COL27A1: variants seen among roughly 807,000 people sequenced by gnomAD.
The protein encoded by COL27A1 is collagen type XXVII alpha 1 chain, also known as collagen alpha-1(XXVII) chain.
COL27A1 carries 106 observed loss-of-function variants against 251.3 expected under a neutral mutation model. The ratio of observed to expected loss-of-function variants is 0.42; its 90% CI spans 0.36 to 0.50. The LOEUF (loss-of-function observed/expected upper bound fraction) is 0.50, where lower values mean the gene tolerates loss of function less well. Ranked by LOEUF, COL27A1 falls within the 20% of genes least tolerant of loss-of-function variation. The probability of loss-of-function intolerance (pLI) is 0.00; values close to 1 mark genes in which losing one functional copy is unlikely to be tolerated. For missense variants in COL27A1, 2,325 were observed against 2,522.8 expected, an observed-to-expected ratio of 0.92 and a Z score of 1.68; for synonymous variants, 1,000 against 986.3, an observed-to-expected ratio of 1.01 and a Z score of -0.26.
At chr9:114,195,881 C>A in intron 6 of COL27A1, 78 bp from the exon 7 acceptor site, 3 of 1,100,688 alleles carry the variant, frequency 2.7e-6, no homozygotes, top group South Asian at 1.2e-5. Flanking sequence ...TTGGAAGTTA[C>A]CATTCCAATT....
At chr9:114,275,837 G>A (rs1564558973) in intron 37 of COL27A1, 69 bp downstream of exon 37, 7 of 1,050,562 alleles carry the variant, frequency 6.7e-6, no homozygotes, top group Admixed American at 2.6e-5. Flanking sequence ...CTGTGCAGGC[G>A]GCTGGGCGGG....
At chr9:114,308,487 A>C (rs1249760) in intron 59 of COL27A1, among the ~76,000 whole-genome samples, 102,763 of 152,070 alleles carry the variant, frequency 0.68, 35,066 homozygotes, top group African/African-American at 0.78. Context: ...GCCAGCCAGT[A>C]GCCAGGTCTT....
intron 16 of COL27A1, 107 bp from the exon 17 acceptor site, chr9:114,235,492 T>C (rs989457028): frequency 4.6e-6 from 4 of 874,872 alleles, no homozygotes; most frequent in Admixed American, 3.4e-5. Flanking sequence ...CGGATCCGAC[T>C]TGGGAAACAG....
At chr9:114,236,349 G>A (rs1042785114) in intron 17 of COL27A1, among the ~76,000 whole-genome samples, 7 of 152,202 alleles carry the variant, frequency 4.6e-5, no homozygotes, top group African/African-American at 1.7e-4. Flanking sequence ...GATGGAGCTC[G>A]GCTCAGGGTC....
chr9:114,162,497 C>A (rs1030641883), intron 1 of COL27A1, among the ~76,000 whole-genome samples: 1 of 152,146 alleles, frequency 6.6e-6, no homozygotes, highest in African/African-American at 2.4e-5. Flanking sequence ...CTGTGTTTGT[C>A]TATATAAGCA....
At chr9:114,289,179 C>T (rs1827732197) in intron 44 of COL27A1, 63 bp from the exon 45 acceptor site, 3 of 1,290,418 alleles carry the variant, frequency 2.3e-6, no homozygotes, top group Admixed American at 4.2e-5. Context: ...CAGGCGGAGA[C>T]TGGCCACCCT....
rs1341810722 is a variant in COL27A1 at position 114,310,872 on chromosome 9, G to A, written c.*177G>A. 2 of 587,542 alleles carry A rather than the reference G, an allele frequency of 3.4e-6. No individual in the cohort carries two copies. Among genetic ancestry groups the A allele is most frequent in the African/African-American group, 3.7e-5 (2 of 53,768 alleles). The allele number at this position is 587,542 out of a possible 1,614,324, so 36.4% of individuals were successfully genotyped here. On this transcript the variant is annotated 3_prime_UTR_variant, in exon 61 of 61. Coordinates refer to ENST00000356083, the MANE Select transcript of COL27A1 (RefSeq NM_032888.4). Reference sequence around the variant, plus strand: ...GGGTGGGGGTAGGAGGGGATAGGGTGTCCTTGGGAACAATGGATCCCAGCT... The same window carrying A: ...GGGTGGGGGTAGGAGGGGATAGGGTATCCTTGGGAACAATGGATCCCAGCT...
intron 2 of COL27A1, among the ~76,000 whole-genome samples, chr9:114,167,006 C>A (rs1338657254): frequency 1.3e-5 from 2 of 152,070 alleles, no homozygotes; most frequent in Non-Finnish European, 2.9e-5. Context: ...GCTAGAGACA[C>A]CTCGGGAGTG....
At chr9:114,220,558 T>C (rs1161480973) in intron 13 of COL27A1, among the ~76,000 whole-genome samples, 1 of 152,192 alleles carries the variant, frequency 6.6e-6, no homozygotes, top group African/African-American at 2.4e-5. Flanking sequence ...CCAGGCTCCC[T>C]TGGGGATTAT....
At chr9:114,281,374 T>G (rs1474914264) in intron 37 of COL27A1, among the ~76,000 whole-genome samples, 1 of 152,244 alleles carries the variant, frequency 6.6e-6, no homozygotes, top group Non-Finnish European at 1.5e-5. Context: ...GCAGTTTCTC[T>G]GACAACTGTG....
chr9:114,278,891 C>T lies in COL27A1; in HGVS notation c.3717+3123C>T, dbSNP rs542826965. Reference sequence around the variant, plus strand: ...TTAAAAACAGAATTTTATGAGCCATCGGGGCCTTTCCAGAAATGCATCTAT... The same window carrying T: ...TTAAAAACAGAATTTTATGAGCCATTGGGGCCTTTCCAGAAATGCATCTAT... On this transcript the variant is annotated intron_variant, in intron 37 of 60. Transcript: ENST00000356083. 6.6e-5 allele frequency among the ~76,000 whole-genome samples: 10 copies of T among 152,136 alleles called. No homozygotes were observed. In the East Asian group the frequency reaches 1.2e-3, roughly 18 times the overall value.
chr9:114,237,916 A>G (rs1051807871), intron 19 of COL27A1, among the ~76,000 whole-genome samples: 28 of 152,310 alleles, frequency 1.8e-4, no homozygotes, highest in Admixed American at 1.0e-3. Flanking sequence ...GGCTCTCAAA[A>G]GTCAACAGGG....
In COL27A1 at chr9:114,194,561, A is replaced by C. The variant is rs1828975675; in HGVS notation, c.2070+104A>C. ...TCCTGCCAGAGGCCATGCATGGCAA[A>C]GGCAGGGAGGTGGGAACATCTGGAA... On this transcript the variant is annotated intron_variant, in intron 6 of 60. Coordinates refer to ENST00000356083, the MANE Select transcript of COL27A1 (RefSeq NM_032888.4). 2.5e-5 allele frequency: 25 copies of C among 1,012,918 alleles called. 1 individual carries two copies. In the South Asian group the frequency reaches 3.3e-4, roughly 13 times the overall value. 62.7% of individuals were successfully genotyped at this position (1,012,918 alleles called of 1,614,324 possible).
At chr9:114,229,514 G>C (rs1831775264) in intron 14 of COL27A1, among the ~76,000 whole-genome samples, 1 of 152,066 alleles carries the variant, frequency 6.6e-6, no homozygotes, top group Non-Finnish European at 1.5e-5. Flanking sequence ...CCTGGCTACT[G>C]GGGCAGCCTT....
chr9:114,227,381 A>G (rs883348), intron 14 of COL27A1, among the ~76,000 whole-genome samples: 4 of 149,570 alleles, frequency 2.7e-5, no homozygotes, highest in African/African-American at 9.9e-5. Flanking sequence ...TCAGACAGAC[A>G]GACAGATGGA....
Position 114,193,841 on chromosome 9 carries a change from C to A in COL27A1, c.2017-563C>A, listed in dbSNP as rs903956364. Among the ~76,000 whole-genome samples, 5 of 152,088 alleles carry A rather than the reference C, an allele frequency of 3.3e-5. No homozygotes were observed. In the East Asian group the frequency reaches 9.7e-4, roughly 29 times the overall value. On this transcript the variant is annotated intron_variant, in intron 5 of 60. Transcript: ENST00000356083. ...GAAACCCCTGAGAGCCCCAGGGGAA[C>A]AAGCCAGGAGACAGTCCTGGCCACG...
At chr9:114,194,485 G>C in intron 6 of COL27A1, 28 bp downstream of exon 6, 9 of 1,591,000 alleles carry the variant, frequency 5.7e-6, no homozygotes, top group Non-Finnish European at 7.7e-6. Flanking sequence ...CCAGTTCTCA[G>C]GGAAGAGGGG....
intron 4 of COL27A1, 74 bp downstream of exon 4, chr9:114,178,418 G>A (rs569026789): frequency 3.9e-5 from 54 of 1,385,070 alleles, no homozygotes; most frequent in South Asian, 1.2e-4. Flanking sequence ...CTGAGGTCTC[G>A]GGTTTGCTGT....
At chr9:114,200,841 CAG>C (rs931178102) in intron 7 of COL27A1, among the ~76,000 whole-genome samples, 1 of 152,186 alleles carries the variant, frequency 6.6e-6, no homozygotes, top group Non-Finnish European at 1.5e-5. Context: ...CGAAGTTCAG[CAG>C]AGATTCATGG....
Sources: allele counts gnomAD v4.1 joint callset (sites outside exome capture counted in the v4.1 genomes callset), GRCh38; gene constraint gnomAD v4.1.1; transcripts MANE v1.5; gene names NCBI Gene and HGNC (gene_info 2026-07-23, HGNC 2026-07-21).